FAM20C: variants seen among roughly 807,000 people sequenced by gnomAD.
The protein encoded by FAM20C is FAM20C golgi associated secretory pathway kinase, also known as extracellular serine/threonine protein kinase FAM20C.
FAM20C carries 40 observed loss-of-function variants against 51.5 expected under a neutral mutation model. The ratio of observed to expected loss-of-function variants is 0.78; its 90% CI spans 0.60 to 1.01. The LOEUF is 1.01. FAM20C is among the 50% of genes least tolerant of loss of function. FAM20C has a pLI of 0.00. For synonymous variants in FAM20C, 406 were observed against 380.6 expected, an observed-to-expected ratio of 1.07 and a Z score of -0.78; for missense variants, 861 against 844.7, an observed-to-expected ratio of 1.02 and a Z score of -0.24.
chr7:208,819 C>T (rs1320378822), intron 2 of FAM20C, 79 bp from the exon 3 acceptor site: 3 of 1,434,178 alleles, frequency 2.1e-6, no homozygotes, highest in South Asian at 1.3e-5. Flanking sequence ...CGGATTGCAG[C>T]CAAGAGCCCT....
At chr7:241,375 C>A in intron 3 of FAM20C, among the ~76,000 whole-genome samples, 1 of 152,204 alleles carries the variant, frequency 6.6e-6, no homozygotes, top group Non-Finnish European at 1.5e-5. Flanking sequence ...GCAAGTCGTT[C>A]GTCTTCTGCG....
chr7:250,975 G>A lies in FAM20C; in HGVS notation c.1072+2545G>A, dbSNP rs566080330. 8.5e-5 allele frequency among the ~76,000 whole-genome samples: 13 copies of A among 152,336 alleles called. No individual in the cohort carries two copies. The South Asian group carries it at 1.9e-3, about 22-fold the overall frequency. ...CAGACCAAGCTCTCGGTTCAGGACC[G>A]ATTGAAAGAGACGGTCACAGGGTCA... On this transcript the variant is annotated intron_variant, in intron 5 of 9. Coordinates refer to ENST00000313766, the MANE Select transcript of FAM20C (RefSeq NM_020223.4).
intron 5 of FAM20C, among the ~76,000 whole-genome samples, chr7:249,873 TCTGGGGACACTCTCCTAC>T (rs1788329042): frequency 6.6e-6 from 1 of 152,160 alleles, no homozygotes; most frequent in Admixed American, 6.5e-5. Context: ...CTGGCTGAGC[TCTGGGGACACTCTCCTAC>T]CTGTCCCGGA....
In FAM20C at chr7:230,932, G is replaced by A. The variant is rs528793925; in HGVS notation, c.864-15483G>A. On this transcript the variant is annotated intron_variant, in intron 3 of 9. Coordinates refer to ENST00000313766, the MANE Select transcript of FAM20C (RefSeq NM_020223.4). ...ATCAACCTGGCTTCAGTGTGGACCCGCTGCTGGACCCCGGTGGGTCCTATA... is the reference window on the plus strand; with the variant it reads ...ATCAACCTGGCTTCAGTGTGGACCCACTGCTGGACCCCGGTGGGTCCTATA... 2.1e-3 allele frequency among the ~76,000 whole-genome samples: 324 copies of A among 152,306 alleles called. 2 individuals carry two copies. The highest frequency in any genetic ancestry group is 7.3e-3 in the African/African-American group (305 of 41,554).
chr7:227,051 C>T (rs1489454774), intron 3 of FAM20C, among the ~76,000 whole-genome samples: 1 of 152,074 alleles, frequency 6.6e-6, no homozygotes, highest in Admixed American at 6.6e-5. Context: ...CGACCCTGGC[C>T]GACTGAGGAT....
intron 3 of FAM20C, among the ~76,000 whole-genome samples, chr7:236,232 T>C (rs1457438255): frequency 8.5e-6 from 1 of 117,212 alleles, no homozygotes; most frequent in Non-Finnish European, 1.7e-5. Context: ...GCCGAGCGGC[T>C]CCTGGCCGAG....
In FAM20C at chr7:192,744, C is replaced by T. The variant is rs1340783357; in HGVS notation, c.-456C>T. ...CCCGGCCCGGAGGAGCCGCCCCTTC[C>T]CCGCCCGCCCGCCCGGCGCCTGGAG... On this transcript the variant is annotated 5_prime_UTR_variant, in exon 1 of 10. Coordinates refer to ENST00000313766, the MANE Select transcript of FAM20C (RefSeq NM_020223.4). 1.4e-5 allele frequency among the ~76,000 whole-genome samples: 2 copies of T among 146,708 alleles called. No homozygotes were observed. Among genetic ancestry groups the T allele is most frequent in the African/African-American group, 4.9e-5 (2 of 40,846 alleles).
intron 3 of FAM20C, among the ~76,000 whole-genome samples, chr7:240,357 GATA>G (rs1787902092): frequency 6.6e-6 from 1 of 152,286 alleles, no homozygotes; most frequent in Non-Finnish European, 1.5e-5. Flanking sequence ...GATAAAGGAT[GATA>G]ATGATGGTGG....
chr7:213,894 T>C (rs925040201), intron 3 of FAM20C, among the ~76,000 whole-genome samples: 3 of 152,164 alleles, frequency 2.0e-5, no homozygotes, highest in Non-Finnish European at 2.9e-5. Context: ...TGGTTTTGAC[T>C]TGCACGTCCC....
At chr7:206,113 G>T (rs1024462671) in intron 2 of FAM20C, among the ~76,000 whole-genome samples, 6 of 152,148 alleles carry the variant, frequency 3.9e-5, no homozygotes, top group Non-Finnish European at 7.4e-5. Context: ...TCCCAGGCTG[G>T]CTGGGTTCCG....
chr7:210,060 G>A (rs992479207), intron 3 of FAM20C, among the ~76,000 whole-genome samples: 3 of 152,214 alleles, frequency 2.0e-5, no homozygotes, highest in Admixed American at 6.5e-5. Flanking sequence ...CGGGCCGAGG[G>A]CATCCCCGCT....
intron 2 of FAM20C, among the ~76,000 whole-genome samples, chr7:206,328 C>T (rs1168451861): frequency 6.6e-6 from 1 of 152,218 alleles, no homozygotes; most frequent in Non-Finnish European, 1.5e-5. Flanking sequence ...GCAGCAACAG[C>T]AGCCAGGGAC....
At chr7:220,144 G>A (rs547427394) in intron 3 of FAM20C, among the ~76,000 whole-genome samples, 42 of 152,302 alleles carry the variant, frequency 2.8e-4, no homozygotes, top group Admixed American at 7.2e-4. Flanking sequence ...GGAAGCTGCC[G>A]GGACCCCCAC....
intron 8 of FAM20C, 61 bp from the exon 9 acceptor site, chr7:258,585 C>A: frequency 6.6e-7 from 1 of 1,512,190 alleles, no homozygotes; most frequent in East Asian, 2.5e-5. Context: ...AGCTCCCAGC[C>A]CAGCAGCCTG....
In FAM20C at chr7:230,374, G is replaced by GC. The variant is rs1465855061; in HGVS notation, c.864-16041_864-16040insC. Among the ~76,000 whole-genome samples, 16 of 97,542 alleles carry GC rather than the reference G, an allele frequency of 1.6e-4. 2 individuals carry two copies. The highest frequency in any genetic ancestry group is 4.6e-4 in the South Asian group (1 of 2,188). 64.0% of individuals were successfully genotyped at this position (97,542 alleles called of 152,430 possible). A position where few individuals can be genotyped will look rare whatever the true frequency, so the allele number is the denominator to read the frequency against. ...CATTTCTTGTCCCCAGGACGGGGTGGGGGGGGGGGGGAACAGATCCCCGTG... is the reference window on the plus strand; with the variant it reads ...CATTTCTTGTCCCCAGGACGGGGTGGCGGGGGGGGGGGAACAGATCCCCGTG... On this transcript the variant is annotated intron_variant, in intron 3 of 9. Coordinates refer to ENST00000313766, the MANE Select transcript of FAM20C (RefSeq NM_020223.4).
intron 3 of FAM20C, among the ~76,000 whole-genome samples, chr7:215,001 C>G (rs1195310107): frequency 6.6e-6 from 1 of 152,082 alleles, no homozygotes; most frequent in African/African-American, 2.4e-5. Context: ...GGTCTGACCT[C>G]TGGACGTGGG....
rs1420003226 is a variant in FAM20C at position 258,430 on chromosome 7, CT to C, written c.1446-215del. On this transcript the variant is annotated intron_variant, in intron 8 of 9. Transcript: ENST00000313766. ...GAGATGGGTGGGGTGGACCCACTGC[CT>C]GGGGTGCTGGAGATGGGTGGGATGG... 0.012 allele frequency among the ~76,000 whole-genome samples: 776 copies of C among 65,732 alleles called. 131 individuals are homozygous for C. Among genetic ancestry groups the C allele is most frequent in the Middle Eastern group, 0.017 (2 of 120 alleles). 43.1% of individuals were successfully genotyped at this position (65,732 alleles called of 152,430 possible). A position where few individuals can be genotyped will look rare whatever the true frequency, so the allele number is the denominator to read the frequency against.
At chr7:203,861 C>G (rs1308571991) in intron 2 of FAM20C, among the ~76,000 whole-genome samples, 2 of 152,126 alleles carry the variant, frequency 1.3e-5, no homozygotes, top group African/African-American at 2.4e-5. Flanking sequence ...AGCTGTCGCA[C>G]CTGAGCCAGG....
At chr7:219,393 T>C (rs182219334) in intron 3 of FAM20C, among the ~76,000 whole-genome samples, 195 of 139,728 alleles carry the variant, frequency 1.4e-3, no homozygotes, top group East Asian at 8.3e-3. Flanking sequence ...AGGACAGCAA[T>C]GGCCAGCCCA....
Sources: allele counts gnomAD v4.1 joint callset (sites outside exome capture counted in the v4.1 genomes callset), GRCh38; gene constraint gnomAD v4.1.1; transcripts MANE v1.5; gene names NCBI Gene and HGNC (gene_info 2026-07-23, HGNC 2026-07-21).